Variants in L3MBTL4 observed in about 807,000 individuals in gnomAD.
The protein encoded by L3MBTL4 is L3MBTL histone methyl-lysine binding protein 4.
Under a neutral mutation model 84.5 loss-of-function variants are expected in L3MBTL4, and 70 were observed. That is an observed-to-expected ratio of 0.83 (90% CI 0.68 to 1.01). The LOEUF (loss-of-function observed/expected upper bound fraction) is 1.01. L3MBTL4 is among the 50% of genes least tolerant of loss of function. L3MBTL4 has a pLI of 0.00. For missense variants in L3MBTL4, 715 were observed against 754.8 expected (o/e 0.95, Z 0.62); for synonymous variants, 274 against 259.8 (o/e 1.05, Z -0.52).
chr18:6,351,657 TTCTCCTG>T (rs1842660245), intron 1 of L3MBTL4, among the ~76,000 whole-genome samples: 1 of 152,040 alleles, frequency 6.6e-6, no homozygotes, highest in Admixed American at 6.6e-5. Context: ...GTTCACGCCA[TTCTCCTG>T]CCTCAGCCTC....
At chr18:6,313,650 G>T (rs2050943706) in intron 1 of L3MBTL4, among the ~76,000 whole-genome samples, 1 of 152,138 alleles carries the variant, frequency 6.6e-6, no homozygotes, top group East Asian at 1.9e-4. Flanking sequence ...GCCAAAGCTG[G>T]CCTGACTTTC....
rs1599172406 is a variant in L3MBTL4, at chr18:6,213,136, T to C, written c.981+13A>G. The C allele has an allele frequency of 7.0e-7, 1 of 1,428,862 alleles. No individual in the cohort carries two copies. The highest frequency in any genetic ancestry group is 9.6e-7 in the Non-Finnish European group (1 of 1,041,030). The allele number at this position is 1,428,862 out of a possible 1,614,324, so 88.5% of individuals were successfully genotyped here. ...AATATTGATATAATAACATAATAAT[T>C]TAAAATATGTACCTTTACTCTTTGG... On this transcript the variant is annotated intron_variant, in intron 12 of 18. Coordinates refer to ENST00000317931, the MANE Select transcript of L3MBTL4 (RefSeq NM_001330559.2).
At chr18:6,359,668 A>C (rs574582812) in intron 1 of L3MBTL4, among the ~76,000 whole-genome samples, 1 of 152,100 alleles carries the variant, frequency 6.6e-6, no homozygotes, top group African/African-American at 2.4e-5. Flanking sequence ...AATCTATTTT[A>C]AACTCTCAAA....
At chr18:6,000,702 C>T (rs558420885) in intron 16 of L3MBTL4, among the ~76,000 whole-genome samples, 27 of 152,194 alleles carry the variant, frequency 1.8e-4, no homozygotes, top group African/African-American at 6.3e-4. Flanking sequence ...AAGGGCATAC[C>T]ATGTGCCACA....
chr18:6,343,778 C>A (rs1293601823), intron 1 of L3MBTL4, among the ~76,000 whole-genome samples: 1 of 150,942 alleles, frequency 6.6e-6, no homozygotes, highest in Non-Finnish European at 1.5e-5. Context: ...ATATGTGTAA[C>A]TTAAGCAACA....
At chr18:6,001,126 C>T (rs183589500) in intron 16 of L3MBTL4, among the ~76,000 whole-genome samples, 3 of 152,346 alleles carry the variant, frequency 2.0e-5, no homozygotes, top group African/African-American at 4.8e-5. Context: ...CCAGGGTGGG[C>T]AATAAGTACC....
intron 7 of L3MBTL4, 89 bp downstream of exon 7, chr18:6,243,205 C>G (rs1002116793): frequency 6.7e-6 from 8 of 1,198,910 alleles, no homozygotes; most frequent in Non-Finnish European, 9.0e-6. Context: ...ACACCAGGAT[C>G]TCTTCTTCGA....
chr18:6,309,223 A>G (rs1054529381), intron 3 of L3MBTL4, among the ~76,000 whole-genome samples: 2 of 152,230 alleles, frequency 1.3e-5, no homozygotes, highest in Non-Finnish European at 2.9e-5. Flanking sequence ...GCAAAATTCA[A>G]GCATGACTCA....
intron 12 of L3MBTL4, among the ~76,000 whole-genome samples, chr18:6,186,195 T>C (rs1236765497): frequency 6.6e-6 from 1 of 151,558 alleles, no homozygotes; most frequent in African/African-American, 2.4e-5. Flanking sequence ...GTATTTAGTA[T>C]TTTGTATTTA....
intron 14 of L3MBTL4, among the ~76,000 whole-genome samples, chr18:6,096,231 T>C (rs75179316): frequency 0.062 from 9,476 of 152,256 alleles, 419 homozygotes; most frequent in African/African-American, 0.13. Context: ...TTTGCTGATG[T>C]CGAGAGATGT....
rs1442035904 is a variant in L3MBTL4 at position 6,268,963 on chromosome 18, C to T, written c.128-4925G>A. Among the ~76,000 whole-genome samples the T allele has an allele frequency of 2.0e-5, 3 of 152,140 alleles. No individual in the cohort carries two copies. The South Asian group carries it at 6.2e-4, about 32-fold the overall frequency. Reference sequence around the variant, plus strand: ...GCTCATGGAGATCACACAGTTCACACATTTGGAAAACTCTGTATGTAAACA... The same window carrying T: ...GCTCATGGAGATCACACAGTTCACATATTTGGAAAACTCTGTATGTAAACA... On this transcript the variant is annotated intron_variant, in intron 4 of 18. Coordinates refer to ENST00000317931, the MANE Select transcript of L3MBTL4 (RefSeq NM_001330559.2).
chr18:6,048,569 G>A (rs2145782957), intron 16 of L3MBTL4, among the ~76,000 whole-genome samples: 1 of 152,212 alleles, frequency 6.6e-6, no homozygotes, highest in Middle Eastern at 3.4e-3. Flanking sequence ...GGTCAAGGCA[G>A]GTGGCTCACT....
chr18:6,230,652 T>C (rs1167147037), intron 10 of L3MBTL4, among the ~76,000 whole-genome samples: 1 of 152,172 alleles, frequency 6.6e-6, no homozygotes, highest in Non-Finnish European at 1.5e-5. Context: ...TTTGAGTTCT[T>C]TGAGAAATCA....
At chr18:5,991,946 C>T (rs2053717520) in intron 16 of L3MBTL4, among the ~76,000 whole-genome samples, 1 of 151,866 alleles carries the variant, frequency 6.6e-6, no homozygotes. Flanking sequence ...ATTGTGTAGC[C>T]CTGGGCTGTG....
intron 16 of L3MBTL4, among the ~76,000 whole-genome samples, chr18:6,071,807 GAAAGA>G (rs2057656632): frequency 1.8e-5 from 2 of 112,820 alleles, no homozygotes; most frequent in South Asian, 2.8e-4. Context: ...GAAAGAAAAA[GAAAGA>G]AAGGAAAGAA....
chr18:6,313,187 T>C (rs2050920775), intron 1 of L3MBTL4, among the ~76,000 whole-genome samples: 1 of 152,236 alleles, frequency 6.6e-6, no homozygotes, highest in Non-Finnish European at 1.5e-5. Context: ...TATTTTCCGC[T>C]GTCTAGATAT....
At chr18:6,065,103 T>C (rs2057357325) in intron 16 of L3MBTL4, among the ~76,000 whole-genome samples, 1 of 152,134 alleles carries the variant, frequency 6.6e-6, no homozygotes, top group Non-Finnish European at 1.5e-5. Context: ...TCTATTGAGA[T>C]GATCATATGG....
Position 6,301,917 on chromosome 18 carries a change from G to A in L3MBTL4, c.113C>T (p.Thr38Ile). Residue 38 changes from threonine to isoleucine, a missense_variant, in exon 4 of 19, where the codon ACC becomes ATC. Transcript: ENST00000317931. The part of the protein sequence containing the change: ...EEEKKPKDST[T>I]PLSHVPSAAA... ...GTGATAATTACCGTGACTCAAAGGG[G>A]TTGTGCTATCCTTGGGCTTCTTTTC... 1.2e-6 allele frequency: 2 copies of A among 1,613,164 alleles called. No individual in the cohort carries two copies. The highest frequency in any genetic ancestry group is 8.5e-7 in the Non-Finnish European group (1 of 1,179,100).
intron 16 of L3MBTL4, among the ~76,000 whole-genome samples, chr18:6,025,581 G>A (rs997857800): frequency 3.9e-5 from 6 of 152,274 alleles, no homozygotes; most frequent in African/African-American, 1.2e-4. Context: ...TTAGTTTCAG[G>A]ACTGCTGCTC....
Sources: allele counts gnomAD v4.1 joint callset (sites outside exome capture counted in the v4.1 genomes callset), GRCh38; gene constraint gnomAD v4.1.1; transcripts MANE v1.5; gene names NCBI Gene and HGNC (gene_info 2026-07-23, HGNC 2026-07-21).